CREBBP: variants seen among roughly 807,000 people sequenced by gnomAD.
CREBBP encodes the protein CREB binding lysine acetyltransferase, also known as CREB-binding protein.
In CREBBP, 19 loss-of-function variants were observed where a neutral mutation model predicts 265.0. That is an observed-to-expected ratio of 0.07 (90% confidence interval 0.05 to 0.11). The LOEUF is 0.11. Among genes scored for constraint, CREBBP ranks in the 10% least tolerant of loss-of-function variants. The pLI is 1.00. For synonymous variants in CREBBP, 1,457 were observed against 1,223.7 expected (o/e 1.19, Z -3.98); for missense variants, 2,525 against 3,219.0 (o/e 0.78, Z 5.22).
At chr16:3,794,276 G>A (rs1328810726) in intron 3 of CREBBP, among the ~76,000 whole-genome samples, 5 of 133,550 alleles carry the variant, frequency 3.7e-5, no homozygotes, top group Admixed American at 1.7e-4. Context: ...AGCTTGCAGT[G>A]AGCTGAGATG....
At chr16:3,775,928 T>C (rs1272469194) in intron 11 of CREBBP, among the ~76,000 whole-genome samples, 4 of 151,980 alleles carry the variant, frequency 2.6e-5, no homozygotes, top group Non-Finnish European at 5.9e-5. Flanking sequence ...TTTCTTTTTT[T>C]TTTTTGAGAT....
chr16:3,744,396 T>C (rs143424648), intron 23 of CREBBP, among the ~76,000 whole-genome samples: 90 of 152,354 alleles, frequency 5.9e-4, no homozygotes, highest in African/African-American at 2.0e-3. Context: ...TTGAGAATAA[T>C]CTGTTGATAA....
rs763967404 is a variant in CREBBP, at chr16:3,731,273, G to A, written c.5091C>T (p.Thr1697=). Residue 1697 remains threonine, a synonymous_variant, in exon 30 of 31, where the codon ACC becomes ACT. Coordinates refer to ENST00000262367, the MANE Select transcript of CREBBP (RefSeq NM_004380.3). This position sits in a 1 kb window ranked among gnomAD's most constrained non-coding sequence, Gnocchi z 7.7. ...STLCMLVELH[T]QGQDRFVYTC... is the part of the protein sequence containing the mutation. ...TGTAGACAAAGCGGTCCTGGCCCTG[G>A]GTGTGCAGCTCCACCAGCATGCAGA... 4.3e-5 allele frequency: 69 copies of A among 1,614,070 alleles called. 1 individual carries two copies. The East Asian group carries it at 1.5e-3, about 35-fold the overall frequency.
At chr16:3,766,282 A>C (rs1438511673) in intron 16 of CREBBP, among the ~76,000 whole-genome samples, 1 of 152,220 alleles carries the variant, frequency 6.6e-6, no homozygotes, top group Non-Finnish European at 1.5e-5. Context: ...GTATAGTATC[A>C]AAGAATATCC....
intron 1 of CREBBP, among the ~76,000 whole-genome samples, chr16:3,851,482 C>G (rs188053251): frequency 1.3e-5 from 2 of 152,090 alleles, no homozygotes; most frequent in Admixed American, 1.3e-4. Context: ...GTGTTGAGGG[C>G]AAACTCAGAT....
chr16:3,727,901 G>T lies in CREBBP; in HGVS notation c.7146C>A (p.Ser2382=), dbSNP rs1176941892. The change falls in exon 31 of 31, where the codon TCC becomes TCA. Residue 2382 remains serine, a synonymous_variant. Transcript: ENST00000262367. ...SPHHVSPQTG[S]PHPGLAVTMA... ...TGGTGACTGCGAGTCCGGGGTGGGGGGAACCAGTCTGGGGTGAGACGTGGT... is the reference window on the plus strand; with the variant it reads ...TGGTGACTGCGAGTCCGGGGTGGGGTGAACCAGTCTGGGGTGAGACGTGGT... 2 of 1,612,896 alleles carry T rather than the reference G, an allele frequency of 1.2e-6. No homozygotes were observed. Among genetic ancestry groups the T allele is most frequent in the Non-Finnish European group, 1.7e-6 (2 of 1,179,238 alleles).
chr16:3,802,685 A>G (rs1179269776), intron 3 of CREBBP, among the ~76,000 whole-genome samples: 6 of 152,136 alleles, frequency 3.9e-5, no homozygotes, highest in Non-Finnish European at 7.3e-5. Flanking sequence ...TGTGTTCCAA[A>G]CAGCAAGAGA....
rs142462614 is a variant in CREBBP, at chr16:3,736,349, C to T, written c.4561-146G>A. 101 of 886,902 alleles carry T rather than the reference C, an allele frequency of 1.1e-4. No individual in the cohort carries two copies. In the East Asian group the frequency reaches 1.7e-3, roughly 15 times the overall value. 54.9% of individuals were successfully genotyped at this position (886,902 alleles called of 1,614,324 possible). On this transcript the variant is annotated intron_variant, in intron 27 of 30. Coordinates refer to ENST00000262367, the MANE Select transcript of CREBBP (RefSeq NM_004380.3). The stretch of plus-strand genomic sequence containing the variant: ...TGCCCCCCCACCACAGTGCAGCAGA[C>T]CCCCACACATGTGCACCCCCCACCA...
intron 28 of CREBBP, among the ~76,000 whole-genome samples, chr16:3,735,371 A>G (rs572451683): frequency 9.2e-5 from 14 of 152,104 alleles, no homozygotes; most frequent in Non-Finnish European, 2.1e-4. Flanking sequence ...ATCTAGGCTC[A>G]CTGCAACCTC....
intron 1 of CREBBP, among the ~76,000 whole-genome samples, chr16:3,869,059 C>CCA (rs2055238644): frequency 6.6e-6 from 1 of 152,180 alleles, no homozygotes; most frequent in African/African-American, 2.4e-5. Context: ...AGCCAGACCT[C>CCA]CACCCTGCTA....
At chr16:3,833,280 C>T (rs1215453306) in intron 2 of CREBBP, among the ~76,000 whole-genome samples, 2 of 152,156 alleles carry the variant, frequency 1.3e-5, no homozygotes, top group East Asian at 1.9e-4. Flanking sequence ...GGTGTGGTGG[C>T]GCAAGCCTGT....
intron 1 of CREBBP, among the ~76,000 whole-genome samples, chr16:3,865,851 C>T (rs1410974904): frequency 2.6e-5 from 4 of 152,070 alleles, no homozygotes; most frequent in African/African-American, 9.7e-5. Context: ...TTGGCCAGGA[C>T]GGTCTCGATA....
chr16:3,869,234 C>T (rs2055242650), intron 1 of CREBBP, among the ~76,000 whole-genome samples: 1 of 152,196 alleles, frequency 6.6e-6, no homozygotes, highest in African/African-American at 2.4e-5. Context: ...CCTCCAAGGT[C>T]ACACCTGACT....
intron 21 of CREBBP, 31 bp from the exon 22 acceptor site, chr16:3,745,385 C>A (rs1378657958): frequency 6.3e-7 from 1 of 1,597,614 alleles, no homozygotes; most frequent in Non-Finnish European, 8.6e-7. Flanking sequence ...ACTGTTAAAG[C>A]ACACGGAACC....
At position 3,731,881 on chromosome 16, in the gene CREBBP, C is replaced by A. The variant is rs756168863; in HGVS notation, c.4785G>T (p.Lys1595Asn). The A allele has an allele frequency of 6.2e-7, 1 of 1,614,236 alleles. No individual in the cohort carries two copies. Among genetic ancestry groups the A allele is most frequent in the Non-Finnish European group, 8.5e-7 (1 of 1,180,036 alleles). The change falls in exon 29 of 31, where the codon AAG (lysine) becomes AAT (asparagine). Residue 1595 changes from lysine to asparagine, a missense_variant. Physicochemically the swap from Lys to Asn is moderately conservative, Grantham distance 94. Transcript: ENST00000262367. This position sits in a 1 kb window ranked among gnomAD's most constrained non-coding sequence, Gnocchi z 7.7. The stretch of plus-strand genomic sequence containing the variant: ...TGGCGCGGCTGATGCTGCTTTTGTT[C>A]TTGTTGGTTTTCTTGTTGTTCTTCT... ...AKKKNNKKTN[K>N]NKSSISRANK...
In CREBBP at chr16:3,726,239, C is replaced by CGG. The variant is rs879026614; in HGVS notation, c.*1477_*1478dup. On this transcript the variant is annotated 3_prime_UTR_variant, in exon 31 of 31. Coordinates refer to ENST00000262367, the MANE Select transcript of CREBBP (RefSeq NM_004380.3). ...TGCCTCAGATTCTGGGAGTCGTGTACGGGGGGGGGGAGCCGCCTGAACACG... is the reference window on the plus strand; with the variant it reads ...TGCCTCAGATTCTGGGAGTCGTGTACGGGGGGGGGGGGAGCCGCCTGAACACG... 86 of 167,336 alleles carry CGG rather than the reference C, an allele frequency of 5.1e-4. No individual in the cohort carries two copies. The highest frequency in any genetic ancestry group is 1.5e-3 in the East Asian group (20 of 13,116). 10.4% of individuals were successfully genotyped at this position (167,336 alleles called of 1,614,324 possible). A position where few individuals can be genotyped will look rare whatever the true frequency, so the allele number is the denominator to read the frequency against.
chr16:3,837,425 G>A (rs1412867207), intron 2 of CREBBP, among the ~76,000 whole-genome samples: 1 of 152,138 alleles, frequency 6.6e-6, no homozygotes, highest in Non-Finnish European at 1.5e-5. Flanking sequence ...CGACCAGCCT[G>A]GGCAACATGG....
chr16:3,739,678 T>C lies in CREBBP; in HGVS notation c.4180A>G (p.Lys1394Glu). The change falls in exon 25 of 31, where the codon AAA becomes GAA. Residue 1394 changes from lysine to glutamate, a missense_variant. This residue lies in a region of CREBBP where 252 missense variants were observed against 452.5 expected (regional missense o/e 0.56). Transcript: ENST00000262367. Reference protein sequence around the residue: ...EMSESFPYRTKALFAFEEIDG... With the variant: ...EMSESFPYRTEALFAFEEIDG... ...ATTTCCTCAAAAGCAAACAGAGCTT[T>C]GGTTCGATATGGGAAAGATTCAGAC... 6.2e-7 allele frequency: 1 copy of C among 1,614,222 alleles called. No individual in the cohort carries two copies. Among genetic ancestry groups the C allele is most frequent in the Non-Finnish European group, 8.5e-7 (1 of 1,180,040 alleles).
At chr16:3,871,142 G>C (rs1277092247) in intron 1 of CREBBP, among the ~76,000 whole-genome samples, 1 of 150,934 alleles carries the variant, frequency 6.6e-6, no homozygotes, top group East Asian at 1.9e-4. Context: ...GAAACAAATG[G>C]AATACTGCAG....
Sources: gnomAD v4.1 joint callset for allele counts (sites outside exome capture counted in the v4.1 genomes callset) on GRCh38, gnomAD v4.1.1 for gene constraint, gnomAD v4.1.1 regional missense constraint, Gnocchi (gnomAD v3.1) non-coding constraint, MANE v1.5 for transcripts, NCBI Gene and HGNC (gene_info 2026-07-23, HGNC 2026-07-21) for gene names.